The following ALKBH3 variants were observed in gnomAD, a reference collection of about 807,000 sequenced individuals.
ALKBH3 encodes the protein alpha-ketoglutarate-dependent dioxygenase alkB homolog 3.
In ALKBH3, 51 loss-of-function variants were observed where a neutral mutation model predicts 43.9. The ratio of observed to expected loss-of-function variants is 1.16; its 90% CI spans 0.93 to 1.47. The LOEUF is 1.47. Ranked by LOEUF, ALKBH3 falls within the 40% of genes most tolerant of loss-of-function variation. The pLI is 0.00. For synonymous variants in ALKBH3, 102 were observed against 115.2 expected (o/e 0.89, Z 0.73); for missense variants, 361 against 351.9 (o/e 1.03, Z -0.21).
chr11:43,906,234 GA>G (rs1453194687), intron 8 of ALKBH3, among the ~76,000 whole-genome samples: 2 of 152,332 alleles, frequency 1.3e-5, no homozygotes, highest in South Asian at 4.1e-4. Flanking sequence ...AGCACCCAAT[GA>G]ATTGGAGGTC....
intron 2 of ALKBH3, 67 bp downstream of exon 2, chr11:43,882,798 C>A (rs986167935): frequency 6.8e-7 from 1 of 1,463,002 alleles, no homozygotes; most frequent in East Asian, 2.3e-5. Flanking sequence ...TTATTTATAT[C>A]CTTTTGGTTT....
rs879841899 is a variant in ALKBH3 at position 43,891,893 on chromosome 11, T to G, written c.371-148T>G. 7.8e-5 allele frequency: 49 copies of G among 631,068 alleles called. No homozygotes were observed. The Admixed American group carries it at 1.4e-3, about 18-fold the overall frequency. The allele number at this position is 631,068 out of a possible 1,614,324, so 39.1% of individuals were successfully genotyped here. ...CATTCTACTTGCAAAGTCCCATATC[T>G]TCTGTGAAGGTGGAACTTTGGGTCA... On this transcript the variant is annotated intron_variant, in intron 6 of 9. Coordinates refer to ENST00000302708, the MANE Select transcript of ALKBH3 (RefSeq NM_139178.4).
chr11:43,915,598 C>T lies in ALKBH3; in HGVS notation c.670-3440C>T, dbSNP rs934990410. Among the ~76,000 whole-genome samples, 6 of 152,250 alleles carry T rather than the reference C, an allele frequency of 3.9e-5. No homozygotes were observed. In the Middle Eastern group the frequency reaches 0.01, roughly 259 times the overall value. Reference sequence around the variant, plus strand: ...AACCATGTGCTCCTTACTGCTCCATCCTTAGTACTAGCATAATGCCTGATA... The same window carrying T: ...AACCATGTGCTCCTTACTGCTCCATTCTTAGTACTAGCATAATGCCTGATA... On this transcript the variant is annotated intron_variant, in intron 8 of 9. Transcript: ENST00000302708.
At chr11:43,882,071 G>T (rs1254755756) in intron 1 of ALKBH3, among the ~76,000 whole-genome samples, 2 of 152,180 alleles carry the variant, frequency 1.3e-5, no homozygotes, top group Non-Finnish European at 2.9e-5. Context: ...TACCTGCATT[G>T]TGTCAAATCT....
chr11:43,894,381 G>T (rs1224991585), intron 7 of ALKBH3, among the ~76,000 whole-genome samples: 1 of 152,126 alleles, frequency 6.6e-6, no homozygotes. Context: ...GTCTTTTAAG[G>T]ATAAAATGTC....
chr11:43,887,889 C>T (rs182099734), intron 5 of ALKBH3, among the ~76,000 whole-genome samples: 125 of 151,252 alleles, frequency 8.3e-4, no homozygotes, highest in Middle Eastern at 3.4e-3. Flanking sequence ...CCAGGGTTCA[C>T]GCCATTCTTC....
chr11:43,902,890 C>G (rs958226016), intron 8 of ALKBH3, among the ~76,000 whole-genome samples: 1 of 152,222 alleles, frequency 6.6e-6, no homozygotes, highest in Non-Finnish European at 1.5e-5. Flanking sequence ...AGCCACTGCA[C>G]CTGGCCCAGG....
intron 7 of ALKBH3, among the ~76,000 whole-genome samples, chr11:43,901,135 G>A (rs917988313): frequency 6.6e-5 from 10 of 152,130 alleles, no homozygotes; most frequent in African/African-American, 2.2e-4. Flanking sequence ...GTGACATATC[G>A]GCTTTGCTGC....
At chr11:43,913,106 TAAA>T (rs1157441702) in intron 8 of ALKBH3, among the ~76,000 whole-genome samples, 10 of 133,926 alleles carry the variant, frequency 7.5e-5, no homozygotes, top group Non-Finnish European at 9.8e-5. Context: ...TTCCAGTTGT[TAAA>T]AAAAAAAAAA....
rs2271815 is a variant in ALKBH3 at position 43,901,546 on chromosome 11, C to T, written c.490C>T (p.Arg164Cys). ...WHPVLRTLKNRIEENTGHTFN... is the reference protein window; with the variant it reads ...WHPVLRTLKNCIEENTGHTFN... ...CCCTGTGCTGCGCACACTAAAGAAC[C>T]GCATTGAAGAGAACACTGGCCACAC... Residue 164 changes from arginine (R) to cysteine (C), a missense_variant, in exon 8 of 10, where the codon CGC becomes TGC. Coordinates refer to ENST00000302708, the MANE Select transcript of ALKBH3 (RefSeq NM_139178.4). 5.5e-3 allele frequency: 8,812 copies of T among 1,614,002 alleles called. 41 individuals carry two copies. The highest frequency in any genetic ancestry group is 0.018 in the East Asian group (828 of 44,878).
chr11:43,892,642 G>A (rs1951792309), intron 7 of ALKBH3, among the ~76,000 whole-genome samples: 1 of 152,232 alleles, frequency 6.6e-6, no homozygotes, highest in Non-Finnish European at 1.5e-5. Context: ...AAATTTCCAT[G>A]AAAGTAGATG....
intron 7 of ALKBH3, among the ~76,000 whole-genome samples, chr11:43,895,821 C>A (rs112172901): frequency 6.6e-6 from 1 of 152,170 alleles, no homozygotes; most frequent in African/African-American, 2.4e-5. Flanking sequence ...CATCATCATG[C>A]GCTTCCAGTG....
intron 8 of ALKBH3, among the ~76,000 whole-genome samples, chr11:43,907,989 G>A (rs986981827): frequency 6.6e-6 from 1 of 152,194 alleles, no homozygotes; most frequent in East Asian, 1.9e-4. Context: ...TTGGGACCAA[G>A]GTAGAGAAGG....
At chr11:43,885,410 C>G (rs1176761335) in intron 4 of ALKBH3, among the ~76,000 whole-genome samples, 1 of 152,186 alleles carries the variant, frequency 6.6e-6, no homozygotes, top group Non-Finnish European at 1.5e-5. Flanking sequence ...ACAGCTATGC[C>G]TGCTATGCCT....
intron 3 of ALKBH3, among the ~76,000 whole-genome samples, chr11:43,883,726 CA>C (rs1296742545): frequency 6.6e-6 from 1 of 152,046 alleles, no homozygotes; most frequent in Non-Finnish European, 1.5e-5. Flanking sequence ...AAAATCTTGT[CA>C]AGATTTTTCC....
At chr11:43,885,491 C>T (rs1347720586) in intron 4 of ALKBH3, among the ~76,000 whole-genome samples, 1 of 152,190 alleles carries the variant, frequency 6.6e-6, no homozygotes, top group African/African-American at 2.4e-5. Flanking sequence ...CACTAACTCC[C>T]ATGACAGAAG....
At chr11:43,892,368 C>A (rs568875360) in intron 7 of ALKBH3, among the ~76,000 whole-genome samples, 7 of 152,160 alleles carry the variant, frequency 4.6e-5, no homozygotes, top group Non-Finnish European at 7.4e-5. Flanking sequence ...TGAACTATTT[C>A]TTCTCCTAAT....
At chr11:43,918,867 A>T (rs544792805) in intron 8 of ALKBH3, 171 bp from the exon 9 acceptor site, 1 of 593,146 alleles carries the variant, frequency 1.7e-6, no homozygotes, top group South Asian at 2.1e-5. Flanking sequence ...CAGGGTACAG[A>T]GAGATGAGGT....
At chr11:43,885,424 T>G (rs1003258860) in intron 4 of ALKBH3, among the ~76,000 whole-genome samples, 2 of 152,208 alleles carry the variant, frequency 1.3e-5, no homozygotes, top group African/African-American at 4.8e-5. Context: ...TATGCCTACA[T>G]TTTGGCTGAA....
Sources: allele counts gnomAD v4.1 joint callset (sites outside exome capture counted in the v4.1 genomes callset), GRCh38; gene constraint gnomAD v4.1.1; transcripts MANE v1.5; gene names NCBI Gene and HGNC (gene_info 2026-07-23, HGNC 2026-07-21).